ATP10B: variants seen among roughly 807,000 people sequenced by gnomAD.
The protein encoded by ATP10B is phospholipid-transporting ATPase VB.
A neutral mutation model predicts 141.2 loss-of-function variants in ATP10B; 122 were observed. The observed-to-expected ratio is 0.86, with a 90% CI of 0.75 to 1.00. The LOEUF is 1.00. ATP10B is among the 50% of genes least tolerant of loss of function. ATP10B has a pLI of 0.00. For missense variants in ATP10B, 1,876 were observed against 1,825.3 expected, an observed-to-expected ratio of 1.03 and a Z score of -0.51; for synonymous variants, 685 against 692.0, an observed-to-expected ratio of 0.99 and a Z score of 0.16.
chr5:160,900,447 C>G, the ATP10B span, among the ~76,000 whole-genome samples: 1 of 152,258 alleles, frequency 6.6e-6, no homozygotes, highest in Middle Eastern at 3.4e-3. Context: ...TGATGCCCTG[C>G]CTCTTGTAAA....
chr5:160,858,751 T>A, the ATP10B span, among the ~76,000 whole-genome samples: 2 of 152,080 alleles, frequency 1.3e-5, no homozygotes, highest in South Asian at 4.1e-4. Context: ...TTGTATAGCT[T>A]TTTGAATGAT....
intron 1 of ATP10B, among the ~76,000 whole-genome samples, chr5:160,804,249 T>C (rs905270836): frequency 6.6e-6 from 1 of 152,220 alleles, no homozygotes; most frequent in Non-Finnish European, 1.5e-5. Context: ...TATTGTAGTA[T>C]GCACTTCTCC....
chr5:160,723,155 G>T (rs1289721357), intron 2 of ATP10B, among the ~76,000 whole-genome samples: 1 of 152,190 alleles, frequency 6.6e-6, no homozygotes, highest in Non-Finnish European at 1.5e-5. Flanking sequence ...CAAGAGAGAT[G>T]TCCTGGAAAA....
rs1754343995 is a variant in ATP10B, at chr5:160,563,169, T to C, written c.*2284A>G. ...TGTTTATTTTTAATAAAGGATGACA[T>C]TTCCAATCAGTAAAATATCATAAAA... is the stretch of plus-strand genomic sequence containing the variant. On this transcript the variant is annotated 3_prime_UTR_variant, in exon 26 of 26. Transcript: ENST00000327245. 1.3e-5 allele frequency: 2 copies of C among 152,214 alleles called. No homozygotes were observed. Among genetic ancestry groups the C allele is most frequent in the South Asian group, 4.1e-4 (2 of 4,824 alleles). The allele number at this position is 152,214 out of a possible 1,614,324, so 9.4% of individuals were successfully genotyped here. A position where few individuals can be genotyped will look rare whatever the true frequency, so the allele number is the denominator to read the frequency against.
intron 1 of ATP10B, among the ~76,000 whole-genome samples, chr5:160,845,090 A>G (rs941894506): frequency 2.6e-5 from 4 of 152,200 alleles, no homozygotes; most frequent in African/African-American, 9.6e-5. Context: ...CTGGTGTTAA[A>G]AGATATAGCA....
At chr5:160,615,439 G>A (rs925027478) in intron 17 of ATP10B, among the ~76,000 whole-genome samples, 6 of 150,788 alleles carry the variant, frequency 4.0e-5, no homozygotes, top group Admixed American at 6.7e-5. Flanking sequence ...TTGCTTGCTC[G>A]ATCATCTAGT....
intron 1 of ATP10B, among the ~76,000 whole-genome samples, chr5:160,806,015 T>C (rs1772745733): frequency 6.6e-6 from 1 of 152,154 alleles, no homozygotes; most frequent in African/African-American, 2.4e-5. Context: ...ACCCATGGCC[T>C]AGCTCAAGGC....
At chr5:160,857,459 G>A in the ATP10B span, among the ~76,000 whole-genome samples, 1 of 151,532 alleles carries the variant, frequency 6.6e-6, no homozygotes, top group African/African-American at 2.4e-5. Flanking sequence ...AATTCTATTT[G>A]TTGATCTTTT....
intron 3 of ATP10B, among the ~76,000 whole-genome samples, chr5:160,705,518 G>T (rs2127765592): frequency 6.6e-6 from 1 of 152,122 alleles, no homozygotes; most frequent in South Asian, 2.1e-4. Context: ...ATTACAATCT[G>T]CCCAACACTT....
intron 1 of ATP10B, among the ~76,000 whole-genome samples, chr5:160,803,926 G>T (rs1772583800): frequency 7.1e-6 from 1 of 140,502 alleles, no homozygotes; most frequent in Non-Finnish European, 1.6e-5. Context: ...GGTCAACACA[G>T]ATTTTTTTTT....
chr5:160,767,553 G>T (rs1323367278), intron 2 of ATP10B, among the ~76,000 whole-genome samples: 1 of 150,136 alleles, frequency 6.7e-6, no homozygotes, highest in Non-Finnish European at 1.5e-5. Flanking sequence ...TGTTGCCATA[G>T]AATGTATTAT....
chr5:160,813,864 G>GGCAA (rs756838761), intron 1 of ATP10B, among the ~76,000 whole-genome samples: 8 of 152,198 alleles, frequency 5.3e-5, no homozygotes, highest in Non-Finnish European at 1.0e-4. Context: ...CTGATACCCA[G>GGCAA]GCAAACAGGG....
chr5:160,825,950 C>G (rs1195040386), intron 1 of ATP10B, among the ~76,000 whole-genome samples: 2 of 152,142 alleles, frequency 1.3e-5, no homozygotes, highest in Non-Finnish European at 2.9e-5. Context: ...AGAATCACGG[C>G]CTCCAGCTTC....
At chr5:160,690,479 G>T (rs1764012500) in intron 3 of ATP10B, among the ~76,000 whole-genome samples, 1 of 152,094 alleles carries the variant, frequency 6.6e-6, no homozygotes, top group Admixed American at 6.5e-5. Context: ...CTAATATCCA[G>T]AATCTACAAA....
chr5:160,891,925 AGAGGTGAAT>A, the ATP10B span, among the ~76,000 whole-genome samples: 2 of 152,236 alleles, frequency 1.3e-5, no homozygotes, highest in Admixed American at 6.5e-5. Flanking sequence ...CATGTATTGT[AGAGGTGAAT>A]GAGAAATATG....
the ATP10B span, among the ~76,000 whole-genome samples, chr5:160,912,824 C>T: frequency 3.9e-5 from 6 of 152,332 alleles, no homozygotes; most frequent in Middle Eastern, 3.4e-3. Flanking sequence ...GCATGCCACA[C>T]TTTCCTGTGT....
chr5:160,700,880 A>G (rs1764628611), intron 3 of ATP10B, among the ~76,000 whole-genome samples: 1 of 152,094 alleles, frequency 6.6e-6, no homozygotes, highest in Non-Finnish European at 1.5e-5. Context: ...CTACATCTGC[A>G]CTTGCCCCCT....
chr5:160,790,768 G>A (rs6861357), intron 1 of ATP10B, among the ~76,000 whole-genome samples: 17,986 of 152,128 alleles, frequency 0.12, 1,136 homozygotes, highest in East Asian at 0.13. Context: ...CAGACCTGGG[G>A]AATATGTTAC....
At chr5:160,774,644 T>G (rs989272396) in intron 2 of ATP10B, among the ~76,000 whole-genome samples, 16 of 152,182 alleles carry the variant, frequency 1.1e-4, no homozygotes, top group Non-Finnish European at 1.5e-5. Flanking sequence ...GGTGGAAACC[T>G]GGTCCACGAA....
Sources: gnomAD v4.1 joint callset for allele counts (sites outside exome capture counted in the v4.1 genomes callset) on GRCh38, gnomAD v4.1.1 for gene constraint, MANE v1.5 for transcripts, NCBI Gene and HGNC (gene_info 2026-07-23, HGNC 2026-07-21) for gene names.